Variants in CARS2 observed in about 807,000 individuals in gnomAD.
The protein encoded by CARS2 is cysteinyl-tRNA synthetase 2, mitochondrial.
In CARS2, 52 loss-of-function variants were observed where a neutral mutation model predicts 68.8. The ratio of observed to expected loss-of-function variants is 0.76; its 90% CI spans 0.61 to 0.95. CARS2 has a LOEUF of 0.95. Among genes scored for constraint, CARS2 ranks in the 40% least tolerant of loss-of-function variants. CARS2 has a pLI of 0.00. For synonymous variants in CARS2, 314 were observed against 303.6 expected (o/e 1.03, Z -0.36); for missense variants, 780 against 754.2 (o/e 1.03, Z -0.40).
rs1284618994 is a variant in CARS2, at chr13:110,641,597, A to G, written c.1635T>C (p.Ser545=). The change falls in exon 15 of 15, where the codon AGT becomes AGC. Residue 545 remains serine, a synonymous_variant. Coordinates refer to ENST00000257347, the MANE Select transcript of CARS2 (RefSeq NM_024537.4). ...CCAGCAGTTCCCACGTGGATGTTGT[A>G]CTGCTTCTGTCCTGGAGAAGAAGAG... The part of the protein sequence containing the change: ...AHGINIKDRS[S]TTSTWELLDQ... 6.2e-7 allele frequency: 1 copy of G among 1,613,798 alleles called. No individual in the cohort carries two copies. Among genetic ancestry groups the G allele is most frequent in the Admixed American group, 1.7e-5 (1 of 60,024 alleles).
intron 3 of CARS2, among the ~76,000 whole-genome samples, chr13:110,698,869 C>A (rs1566350251): frequency 6.6e-6 from 1 of 152,068 alleles, no homozygotes; most frequent in Non-Finnish European, 1.5e-5. Flanking sequence ...AAAAATTAGT[C>A]ATGTGTGGTG....
At chr13:110,689,947 G>T (rs2063409676) in intron 3 of CARS2, among the ~76,000 whole-genome samples, 1 of 152,188 alleles carries the variant, frequency 6.6e-6, no homozygotes, top group African/African-American at 2.4e-5. Context: ...TCAGTGGGGT[G>T]GCCGGGCGCG....
upstream of CARS2, among the ~76,000 whole-genome samples, chr13:110,709,590 G>A (rs945965084): frequency 1.5e-4 from 23 of 152,190 alleles, no homozygotes; most frequent in African/African-American, 5.5e-4. Flanking sequence ...TGTGCTGGGT[G>A]CTTCCTGCCC....
At position 110,647,241 on chromosome 13, in the gene CARS2, TGAG is replaced by T. The variant is rs771260058; in HGVS notation, c.1055-5_1055-3del. The T allele has an allele frequency of 1.2e-6, 2 of 1,611,722 alleles. No homozygotes were observed. On this transcript the variant is annotated splice_polypyrimidine_tract_variant and splice_region_variant and intron_variant, in intron 10 of 14. Coordinates refer to ENST00000257347, the MANE Select transcript of CARS2 (RefSeq NM_024537.4). ...TGGCGCTGTCACTGTAGTCGATGGC[TGAG>T]GAGGAAGAGATGGTCACTGAGGCGG...
intron 6 of CARS2, 120 bp downstream of exon 6, chr13:110,682,931 G>T: frequency 1.7e-6 from 1 of 575,196 alleles, no homozygotes; most frequent in Non-Finnish European, 2.9e-6. Context: ...ACACAGCTGT[G>T]ACCTGGGTAA....
chr13:110,692,032 A>C (rs2063480023), intron 3 of CARS2, among the ~76,000 whole-genome samples: 1 of 76,938 alleles, frequency 1.3e-5, no homozygotes, highest in Non-Finnish European at 3.3e-5. Context: ...ATACACACAC[A>C]CACATATATA....
Position 110,651,040 on chromosome 13 carries a change from G to T in CARS2, c.1048C>A (p.Arg350Ser). 1 of 1,612,778 alleles carries T rather than the reference G, an allele frequency of 6.2e-7. No homozygotes were observed. Among genetic ancestry groups the T allele is most frequent in the Middle Eastern group, 1.6e-4 (1 of 6,062 alleles). ...FRFFCLRSSY[R>S]SAIDYSDSAM... ...CCACGTGTGCTCGGCTCACCTGAGCGGTAGCTGCTCCGCAGGCAGAAGAAC... is the reference window on the plus strand; with the variant it reads ...CCACGTGTGCTCGGCTCACCTGAGCTGTAGCTGCTCCGCAGGCAGAAGAAC... Residue 350 changes from arginine (R) to serine (S), a missense_variant, in exon 10 of 15, where the codon CGC becomes AGC. By Grantham distance (110) the Arg-to-Ser change is moderately radical. Coordinates refer to ENST00000257347, the MANE Select transcript of CARS2 (RefSeq NM_024537.4).
At chr13:110,692,003 A>AAAAAAATAT in intron 3 of CARS2, among the ~76,000 whole-genome samples, 1 of 91,596 alleles carries the variant, frequency 1.1e-5, no homozygotes, top group Non-Finnish European at 2.1e-5. Flanking sequence ...AAAAAAAAAA[A>AAAAAAATAT]ATATATATAT....
At chr13:110,700,330 G>A (rs2063748067) in intron 3 of CARS2, among the ~76,000 whole-genome samples, 2 of 152,206 alleles carry the variant, frequency 1.3e-5, no homozygotes. Flanking sequence ...AACACCTGGG[G>A]TTGACGTCCA....
At chr13:110,684,043 T>G (rs540774815) in intron 5 of CARS2, among the ~76,000 whole-genome samples, 1 of 152,114 alleles carries the variant, frequency 6.6e-6, no homozygotes, top group African/African-American at 2.4e-5. Flanking sequence ...GGGAGCTTTG[T>G]CAAGAAGAAA....
intron 3 of CARS2, among the ~76,000 whole-genome samples, chr13:110,689,323 G>A (rs1454306806): frequency 2.6e-5 from 4 of 152,140 alleles, no homozygotes; most frequent in Non-Finnish European, 5.9e-5. Flanking sequence ...ACGCAGCCTC[G>A]GGAACCAAGT....
chr13:110,652,722 CT>C (rs1193420793), intron 9 of CARS2, among the ~76,000 whole-genome samples: 9 of 152,236 alleles, frequency 5.9e-5, no homozygotes, highest in Non-Finnish European at 1.3e-4. Flanking sequence ...AATCAGAAAG[CT>C]GCTGGGCCAA....
At chr13:110,681,307 T>C (rs778674814) in intron 6 of CARS2, among the ~76,000 whole-genome samples, 25 of 152,234 alleles carry the variant, frequency 1.6e-4, no homozygotes, top group Admixed American at 3.3e-4. Flanking sequence ...TAACATACAC[T>C]AAGGCATTAA....
upstream of CARS2, among the ~76,000 whole-genome samples, chr13:110,709,073 C>T (rs59256458): frequency 0.022 from 3,168 of 146,792 alleles, 102 homozygotes; most frequent in African/African-American, 0.062. Context: ...ATTCTCTTTT[C>T]TCTTTTTTCT....
chr13:110,656,416 T>G (rs560531872), intron 9 of CARS2, among the ~76,000 whole-genome samples: 1 of 151,872 alleles, frequency 6.6e-6, no homozygotes, highest in Non-Finnish European at 1.5e-5. Flanking sequence ...ATGCCGCGAG[T>G]GTATGTTCAG....
At chr13:110,704,422 T>C (rs1311886545) in intron 2 of CARS2, among the ~76,000 whole-genome samples, 2 of 152,242 alleles carry the variant, frequency 1.3e-5, no homozygotes, top group African/African-American at 4.8e-5. Context: ...GAAAAATGTA[T>C]ATTTAAAGTA....
At chr13:110,687,627 T>G in intron 5 of CARS2, 94 bp downstream of exon 5, 3 of 735,870 alleles carry the variant, frequency 4.1e-6, no homozygotes, top group Non-Finnish European at 4.5e-6. Context: ...TGCAGTGAGC[T>G]GAGATAGCAC....
At chr13:110,678,915 C>T (rs569275231) in intron 6 of CARS2, among the ~76,000 whole-genome samples, 13 of 150,862 alleles carry the variant, frequency 8.6e-5, no homozygotes, top group African/African-American at 2.4e-4. Context: ...ACACGCGGGG[C>T]GGGGAGGAGG....
intron 9 of CARS2, among the ~76,000 whole-genome samples, chr13:110,661,904 G>C (rs365103): frequency 0.21 from 31,659 of 152,068 alleles, 3,781 homozygotes; most frequent in Admixed American, 0.31. Context: ...CATGGAGCCC[G>C]AAAACAATTA....
Sources: allele counts gnomAD v4.1 joint callset (sites outside exome capture counted in the v4.1 genomes callset), GRCh38; gene constraint gnomAD v4.1.1; transcripts MANE v1.5; gene names NCBI Gene and HGNC (gene_info 2026-07-23, HGNC 2026-07-21).